Variants in SDR42E1 observed in about 807,000 individuals in gnomAD.
SDR42E1 encodes the protein short-chain dehydrogenase/reductase family 42E member 1.
SDR42E1 carries 5 observed loss-of-function variants against 2.6 expected under a neutral mutation model. The ratio of observed to expected loss-of-function variants is 1.94; its 90% CI spans 1.01 to 4.08. The LOEUF (loss-of-function observed/expected upper bound fraction) is 4.08. SDR42E1 is among the 30% of genes most tolerant of loss of function. The pLI is 0.00. For missense variants in SDR42E1, 596 were observed against 478.6 expected (o/e 1.25, Z -2.29); for synonymous variants, 231 against 188.3 (o/e 1.23, Z -1.86).
In SDR42E1 at chr16:81,989,619, C is replaced by A. The variant is rs1912381730; in HGVS notation, c.*9492G>T. 1 of 152,164 alleles carries A rather than the reference C, an allele frequency of 6.6e-6. No individual in the cohort carries two copies. The highest frequency in any genetic ancestry group is 2.4e-5 in the African/African-American group (1 of 41,450). The allele number at this position is 152,164 out of a possible 1,614,324, so 9.4% of individuals were successfully genotyped here. ...AATTTAGAGCAGAGAGGCATAGATGCCTACTTGTTCTCTAGCATGGTGTAA... is the reference window on the plus strand; with the variant it reads ...AATTTAGAGCAGAGAGGCATAGATGACTACTTGTTCTCTAGCATGGTGTAA... On this transcript the variant is annotated 3_prime_UTR_variant, in exon 3 of 3. Coordinates refer to ENST00000328945, the MANE Select transcript of SDR42E1 (RefSeq NM_145168.3).
chr16:82,010,695 T>C (rs80064604), intron 1 of SDR42E1, among the ~76,000 whole-genome samples: 2,531 of 152,294 alleles, frequency 0.017, 71 homozygotes, highest in African/African-American at 0.058. Flanking sequence ...CCGAAAAACA[T>C]GTTCATCTTA....
intron 1 of SDR42E1, among the ~76,000 whole-genome samples, chr16:82,003,682 A>G (rs1274293249): frequency 6.6e-6 from 1 of 152,210 alleles, no homozygotes; most frequent in Admixed American, 6.5e-5. Flanking sequence ...CACCCTAGCT[A>G]ACACAGATGC....
intron 1 of SDR42E1, among the ~76,000 whole-genome samples, chr16:82,009,797 G>T (rs1180615492): frequency 6.6e-6 from 1 of 152,192 alleles, no homozygotes; most frequent in Non-Finnish European, 1.5e-5. Context: ...CATGAGATTT[G>T]GGAGGGGCCA....
intron 1 of SDR42E1, among the ~76,000 whole-genome samples, chr16:82,002,993 G>A (rs1329632959): frequency 1.3e-5 from 2 of 152,136 alleles, no homozygotes; most frequent in Non-Finnish European, 2.9e-5. Context: ...AAAGAGTTTT[G>A]TAAGTTCTTC....
intron 1 of SDR42E1, among the ~76,000 whole-genome samples, chr16:82,002,549 G>C (rs1488769971): frequency 6.6e-6 from 1 of 152,148 alleles, no homozygotes; most frequent in African/African-American, 2.4e-5. Flanking sequence ...AGTACTATTA[G>C]ATCCTGTTTT....
chr16:82,000,341 T>A (rs1270367433), intron 2 of SDR42E1, 117 bp from the exon 3 acceptor site: 1 of 1,291,914 alleles, frequency 7.7e-7, no homozygotes, highest in Non-Finnish European at 1.1e-6. Flanking sequence ...TGGCTCATCC[T>A]GAGCCCCTCA....
chr16:82,006,184 A>C (rs920983895), intron 1 of SDR42E1, among the ~76,000 whole-genome samples: 55 of 136,456 alleles, frequency 4.0e-4, no homozygotes, highest in African/African-American at 1.8e-3. Flanking sequence ...CTGTTACCAT[A>C]AAAATAAAAA....
rs367664411 is a variant in SDR42E1 at position 82,000,773 on chromosome 16, T to C, written c.68+18A>G. Reference sequence around the variant, plus strand: ...CCAGTAAAATAATTCCATGTGTATATTTTATAGATACACTTACCGAAAACC... The same window carrying C: ...CCAGTAAAATAATTCCATGTGTATACTTTATAGATACACTTACCGAAAACC... On this transcript the variant is annotated intron_variant, in intron 2 of 2. Coordinates refer to ENST00000328945, the MANE Select transcript of SDR42E1 (RefSeq NM_145168.3). 3 of 1,573,258 alleles carry C rather than the reference T, an allele frequency of 1.9e-6. No homozygotes were observed. The highest frequency in any genetic ancestry group is 1.7e-5 in the Admixed American group (1 of 59,684).
intron 1 of SDR42E1, among the ~76,000 whole-genome samples, chr16:82,006,314 T>C (rs1351632110): frequency 6.6e-6 from 1 of 152,236 alleles, no homozygotes; most frequent in Non-Finnish European, 1.5e-5. Flanking sequence ...ATTCTTATTA[T>C]ATTGAGATCT....
Position 81,993,537 on chromosome 16 carries a change from C to T in SDR42E1, c.*5574G>A, listed in dbSNP as rs938111733. ...TACTCTGCCGTTTTACATGATGTCA[C>T]CCTTCTGGAGTCTGCATTTTTAATT... On this transcript the variant is annotated 3_prime_UTR_variant, in exon 3 of 3. Transcript: ENST00000328945. The T allele has an allele frequency of 2.6e-5, 4 of 152,268 alleles. No homozygotes were observed. The highest frequency in any genetic ancestry group is 4.1e-4 in the South Asian group (2 of 4,824). The allele number at this position is 152,268 out of a possible 1,614,324, so 9.4% of individuals were successfully genotyped here.
chr16:82,001,871 T>C (rs1203065066), intron 1 of SDR42E1, among the ~76,000 whole-genome samples: 4 of 141,954 alleles, frequency 2.8e-5, no homozygotes, highest in Non-Finnish European at 6.0e-5. Flanking sequence ...CACTGCACTC[T>C]AGCCTGGGCG....
intron 1 of SDR42E1, among the ~76,000 whole-genome samples, chr16:82,002,252 A>G (rs904525710): frequency 6.6e-6 from 1 of 152,188 alleles, no homozygotes; most frequent in African/African-American, 2.4e-5. Flanking sequence ...GCACAAAGAA[A>G]GAAAAAATAT....
chr16:82,004,942 T>C (rs762434623), intron 1 of SDR42E1, among the ~76,000 whole-genome samples: 13 of 152,246 alleles, frequency 8.5e-5, no homozygotes, highest in Non-Finnish European at 1.5e-4. Flanking sequence ...ATGTCATTAA[T>C]TGAAACAGTA....
intron 1 of SDR42E1, among the ~76,000 whole-genome samples, chr16:82,007,059 G>T (rs555661471): frequency 2.0e-5 from 3 of 152,336 alleles, no homozygotes; most frequent in South Asian, 4.1e-4. Flanking sequence ...TGATGACAAA[G>T]AAATGAAATA....
At chr16:82,009,141 A>G (rs540844341) in intron 1 of SDR42E1, among the ~76,000 whole-genome samples, 113 of 152,312 alleles carry the variant, frequency 7.4e-4, no homozygotes, top group African/African-American at 2.6e-3. Context: ...AAACTCCTGG[A>G]TGTCCAGGCA....
At position 81,990,275 on chromosome 16, in the gene SDR42E1, G is replaced by C. The variant is rs903954029; in HGVS notation, c.*8836C>G. On this transcript the variant is annotated 3_prime_UTR_variant, in exon 3 of 3. Transcript: ENST00000328945. ...TGTCCACAGTGCTACACTTCAGCCT[G>C]GTCGACAGAGTGACACCATGTCTCA... The C allele has an allele frequency of 6.6e-6, 1 of 152,152 alleles. No homozygotes were observed. The highest frequency in any genetic ancestry group is 1.5e-5 in the Non-Finnish European group (1 of 68,036). 9.4% of individuals were successfully genotyped at this position (152,152 alleles called of 1,614,324 possible). A position where few individuals can be genotyped will look rare whatever the true frequency, so the allele number is the denominator to read the frequency against.
In SDR42E1 at chr16:81,999,284, T is replaced by C; in HGVS notation, c.1009A>G (p.Lys337Glu). The C allele has an allele frequency of 6.2e-7, 1 of 1,614,234 alleles. No individual in the cohort carries two copies. The highest frequency in any genetic ancestry group is 8.5e-7 in the Non-Finnish European group (1 of 1,180,038). Reference sequence around the variant, plus strand: ...TCCTGGAGGTCAAATGGCTGAGCCTTATAACCTAGCTCTTTCTTGGCTTTC... The same window carrying C: ...TCCTGGAGGTCAAATGGCTGAGCCTCATAACCTAGCTCTTTCTTGGCTTTC... ...LEKAKKELGY[K>E]AQPFDLQEAV... The change falls in exon 3 of 3, where the codon AAG (lysine) becomes GAG (glutamate). Residue 337 changes from lysine (K) to glutamate (E), a missense_variant. Transcript: ENST00000328945.
rs1411657755 is a variant in SDR42E1 at position 81,994,249 on chromosome 16, C to G, written c.*4862G>C. On this transcript the variant is annotated 3_prime_UTR_variant, in exon 3 of 3. Transcript: ENST00000328945. ...CCTCCCTCTCCATTTTTTGGCTCTT[C>G]TTAACACATAGCTGGACCCAGCAGC... The G allele has an allele frequency of 1.3e-5, 2 of 152,272 alleles. No homozygotes were observed. The highest frequency in any genetic ancestry group is 2.9e-5 in the Non-Finnish European group (2 of 68,076). The allele number at this position is 152,272 out of a possible 1,614,324, so 9.4% of individuals were successfully genotyped here.
Position 81,994,914 on chromosome 16 carries a change from G to C in SDR42E1, c.*4197C>G, listed in dbSNP as rs1023073536. 15 of 152,170 alleles carry C rather than the reference G, an allele frequency of 9.9e-5. No individual in the cohort carries two copies. Among genetic ancestry groups the C allele is most frequent in the African/African-American group, 3.6e-4 (15 of 41,432 alleles). 9.4% of individuals were successfully genotyped at this position (152,170 alleles called of 1,614,324 possible). A position where few individuals can be genotyped will look rare whatever the true frequency, so the allele number is the denominator to read the frequency against. The stretch of plus-strand genomic sequence containing the variant: ...AAAGAATCCCTAGGCCTATTCCCTA[G>C]GTTTGAGAAACACCACAGCATAGGT... On this transcript the variant is annotated 3_prime_UTR_variant, in exon 3 of 3. Coordinates refer to ENST00000328945, the MANE Select transcript of SDR42E1 (RefSeq NM_145168.3).
Sources: allele counts gnomAD v4.1 joint callset (sites outside exome capture counted in the v4.1 genomes callset), GRCh38; gene constraint gnomAD v4.1.1; transcripts MANE v1.5; gene names NCBI Gene and HGNC (gene_info 2026-07-23, HGNC 2026-07-21).